Variants in ATP2C2 observed in about 807,000 individuals in gnomAD.
ATP2C2 encodes calcium-transporting ATPase type 2C member 2.
Under a neutral mutation model 110.8 loss-of-function variants are expected in ATP2C2, and 171 were observed. The ratio of observed to expected loss-of-function variants is 1.54; its 90% confidence interval spans 1.36 to 1.75. The LOEUF (loss-of-function observed/expected upper bound fraction) is 1.75, where lower values mean the gene tolerates loss of function less well. Ranked by LOEUF, ATP2C2 falls within the 40% of genes most tolerant of loss-of-function variation. The pLI is 0.00. For missense variants in ATP2C2, 1,963 were observed against 1,235.0 expected (o/e 1.59, Z -8.84); for synonymous variants, 804 against 508.4 (o/e 1.58, Z -7.82).
chr16:84,389,720 CTTTTT>C (rs3085090), intron 1 of ATP2C2, among the ~76,000 whole-genome samples: 1 of 120,196 alleles, frequency 8.3e-6, no homozygotes, highest in Non-Finnish European at 1.7e-5. Flanking sequence ...TCACTGTTTC[CTTTTT>C]TTTTTTTTTT....
intron 1 of ATP2C2, among the ~76,000 whole-genome samples, chr16:84,391,327 G>A (rs935001321): frequency 6.6e-6 from 1 of 152,150 alleles, no homozygotes; most frequent in African/African-American, 2.4e-5. Context: ...ACAGCCCCGG[G>A]GCAGCTACTG....
chr16:84,428,231 C>G (rs891264), intron 11 of ATP2C2, among the ~76,000 whole-genome samples: 7 of 151,898 alleles, frequency 4.6e-5, no homozygotes, highest in African/African-American at 1.7e-4. Flanking sequence ...TATCAGGTAC[C>G]TAGTATCAGG....
chr16:84,461,163 T>A (rs1031165672), intron 24 of ATP2C2: 2 of 268,830 alleles, frequency 7.4e-6, no homozygotes, highest in Admixed American at 4.9e-5. Flanking sequence ...GAGGTGATTG[T>A]TTGCTTTGGA....
intron 21 of ATP2C2, among the ~76,000 whole-genome samples, chr16:84,456,549 A>G (rs935844331): frequency 2.5e-5 from 3 of 122,334 alleles, no homozygotes; most frequent in Non-Finnish European, 5.1e-5. Context: ...AGGAAGTCAA[A>G]TTGTCCCTGT....
In ATP2C2 at chr16:84,453,353, C is replaced by G. The variant is rs1220833952; in HGVS notation, c.1962C>G (p.His654Gln). 5 of 1,614,050 alleles carry G rather than the reference C, an allele frequency of 3.1e-6. No homozygotes were observed. The highest frequency in any genetic ancestry group is 1.3e-5 in the African/African-American group (1 of 74,918). The change falls in exon 20 of 27, where the codon CAC becomes CAG. Residue 654 changes from histidine to glutamine, a missense_variant. His to Gln is a conservative substitution (Grantham distance 24). Transcript: ENST00000262429. ...VSVFFRTSPK[H>Q]KLKIIKALQE... ...TGTTCTTCAGGACCAGCCCAAAGCACAAGCTCAAAATCATCAAGGTTCGCT... is the reference window on the plus strand; with the variant it reads ...TGTTCTTCAGGACCAGCCCAAAGCAGAAGCTCAAAATCATCAAGGTTCGCT...
intron 2 of ATP2C2, chr16:84,404,864 T>G: frequency 1.8e-6 from 1 of 547,012 alleles, no homozygotes; most frequent in Non-Finnish European, 3.5e-6. Flanking sequence ...TTTCTGGAAG[T>G]CTATGCTGCA....
chr16:84,370,267 G>A (rs1270138471), intron 1 of ATP2C2, among the ~76,000 whole-genome samples: 2 of 152,192 alleles, frequency 1.3e-5, no homozygotes, highest in Non-Finnish European at 2.9e-5. Context: ...CGGTCTGTCA[G>A]TGTGCTCTCC....
At chr16:84,391,026 A>G (rs1405850107) in intron 1 of ATP2C2, among the ~76,000 whole-genome samples, 1 of 142,390 alleles carries the variant, frequency 7.0e-6, no homozygotes, top group Non-Finnish European at 1.5e-5. Flanking sequence ...AGGCAGGAGA[A>G]TGGCTTGAGC....
chr16:84,449,874 G>A (rs907443676), intron 17 of ATP2C2, among the ~76,000 whole-genome samples: 9 of 152,316 alleles, frequency 5.9e-5, no homozygotes, highest in South Asian at 2.1e-4. Flanking sequence ...AACATCCCAC[G>A]TGGCACTGGC....
At chr16:84,426,312 C>T (rs975970834) in intron 11 of ATP2C2, among the ~76,000 whole-genome samples, 3 of 152,086 alleles carry the variant, frequency 2.0e-5, no homozygotes, top group Non-Finnish European at 4.4e-5. Context: ...AAGAACGGCT[C>T]GAAGGAGATG....
At position 84,415,469 on chromosome 16, in the gene ATP2C2, C is replaced by G. The variant is rs1303653460; in HGVS notation, c.516-14C>G. The G allele has an allele frequency of 3.1e-6, 5 of 1,610,326 alleles. No homozygotes were observed. The highest frequency in any genetic ancestry group is 4.2e-6 in the Non-Finnish European group (5 of 1,176,606). On this transcript the variant is annotated splice_polypyrimidine_tract_variant and intron_variant, in intron 6 of 26. Coordinates refer to ENST00000262429, the MANE Select transcript of ATP2C2 (RefSeq NM_014861.4). Reference sequence around the variant, plus strand: ...CAGCATGGATGCTTTTGCTTTTTACCATGTCAAATGCAGCCTAAGAGAAGG... The same window carrying G: ...CAGCATGGATGCTTTTGCTTTTTACGATGTCAAATGCAGCCTAAGAGAAGG...
intron 11 of ATP2C2, among the ~76,000 whole-genome samples, chr16:84,431,586 C>T (rs1908282946): frequency 6.6e-6 from 1 of 151,122 alleles, no homozygotes. Flanking sequence ...AGGAGATGAG[C>T]AGGAAGGGTG....
intron 4 of ATP2C2, among the ~76,000 whole-genome samples, chr16:84,410,237 A>C (rs913971059): frequency 6.6e-6 from 1 of 152,156 alleles, no homozygotes; most frequent in Admixed American, 6.5e-5. Context: ...TAAGTTCCAC[A>C]TCTGCTATGG....
Position 84,408,513 on chromosome 16 carries a change from C to G in ATP2C2, c.417+19C>G, listed in dbSNP as rs370510451. 6 of 1,605,874 alleles carry G rather than the reference C, an allele frequency of 3.7e-6. No homozygotes were observed. The highest frequency in any genetic ancestry group is 4.5e-5 in the East Asian group (2 of 44,776). On this transcript the variant is annotated intron_variant, in intron 4 of 26. Transcript: ENST00000262429. The stretch of plus-strand genomic sequence containing the variant: ...CGCCACGGTGAGTTCCCTGACAGCG[C>G]TCGGCTCCCGGGCGGGCAGCCACAG...
rs937304012 is a variant in ATP2C2 at position 84,462,024 on chromosome 16, C to A, written c.2617C>A (p.His873Asn). Residue 873 changes from histidine (H) to asparagine (N), a missense_variant, in exon 26 of 27, where the codon CAC becomes AAC. His to Asn is a moderately conservative substitution (Grantham distance 68). Coordinates refer to ENST00000262429, the MANE Select transcript of ATP2C2 (RefSeq NM_014861.4). ...ATTTGAGATCGGCTTTCTCAGGAAC[C>A]ACATGTTCCTCTACTCCGTCCTGGG... The part of the protein sequence containing the change: ...LIFEIGFLRN[H>N]MFLYSVLGSI... 2.5e-6 allele frequency: 4 copies of A among 1,614,034 alleles called. No individual in the cohort carries two copies. Among genetic ancestry groups the A allele is most frequent in the Non-Finnish European group, 2.5e-6 (3 of 1,179,936 alleles).
chr16:84,424,904 G>T (rs979693744), intron 10 of ATP2C2, among the ~76,000 whole-genome samples: 3 of 152,132 alleles, frequency 2.0e-5, no homozygotes, highest in South Asian at 2.1e-4. Context: ...AGTACCTAGT[G>T]GGGGTGGCTC....
In ATP2C2 at chr16:84,423,105, G is replaced by A. The variant is rs1476068835; in HGVS notation, c.844-83G>A. 2.5e-6 allele frequency: 3 copies of A among 1,216,182 alleles called. No homozygotes were observed. In the African/African-American group the frequency reaches 4.5e-5, roughly 18 times the overall value. The allele number at this position is 1,216,182 out of a possible 1,614,324, so 75.3% of individuals were successfully genotyped here. On this transcript the variant is annotated intron_variant, in intron 9 of 26. Coordinates refer to ENST00000262429, the MANE Select transcript of ATP2C2 (RefSeq NM_014861.4). ...TGTGTAATCATCACTGAAGCTGTAG[G>A]ATGGCAAGGTGAAGACATTTTGAAC...
At chr16:84,394,596 C>T (rs953982226) in intron 1 of ATP2C2, among the ~76,000 whole-genome samples, 2 of 152,066 alleles carry the variant, frequency 1.3e-5, no homozygotes, top group Middle Eastern at 3.2e-3. Flanking sequence ...GTTCTAGAAG[C>T]CAGAAGTCAA....
intron 1 of ATP2C2, among the ~76,000 whole-genome samples, chr16:84,369,345 GT>G (rs1204744221): frequency 6.6e-6 from 1 of 152,162 alleles, no homozygotes; most frequent in Non-Finnish European, 1.5e-5. Context: ...AGCCCCTCCT[GT>G]TCCTTGGATT....
Sources: gnomAD v4.1 joint callset for allele counts (sites outside exome capture counted in the v4.1 genomes callset) on GRCh38, gnomAD v4.1.1 for gene constraint, MANE v1.5 for transcripts, NCBI Gene and HGNC (gene_info 2026-07-23, HGNC 2026-07-21) for gene names.